PTPRJ: variants seen among roughly 807,000 people sequenced by gnomAD.
PTPRJ encodes protein tyrosine phosphatase receptor type J.
A neutral mutation model predicts 141.3 loss-of-function variants in PTPRJ; 129 were observed. The observed-to-expected ratio is 0.91, with a 90% CI of 0.79 to 1.06. The LOEUF is 1.06. Ranked by LOEUF, PTPRJ falls within the 50% of genes least tolerant of loss-of-function variation. The pLI is 0.00. For missense variants in PTPRJ, 1,601 were observed against 1,679.7 expected (o/e 0.95, Z 0.82); for synonymous variants, 610 against 640.5 (o/e 0.95, Z 0.72).
At chr11:48,081,120 G>A (rs893140288) in intron 1 of PTPRJ, among the ~76,000 whole-genome samples, 3 of 152,220 alleles carry the variant, frequency 2.0e-5, no homozygotes, top group East Asian at 1.9e-4. Context: ...TTTCTGATGC[G>A]GGTGGTCTGC....
intron 1 of PTPRJ, among the ~76,000 whole-genome samples, chr11:48,071,323 T>C (rs1473441629): frequency 6.8e-6 from 1 of 147,380 alleles, no homozygotes; most frequent in Non-Finnish European, 1.5e-5. Flanking sequence ...GACTGAGTAA[T>C]TTTTTTTTTT....
At chr11:48,010,697 A>G (rs542306297) in intron 1 of PTPRJ, among the ~76,000 whole-genome samples, 32 of 149,776 alleles carry the variant, frequency 2.1e-4, no homozygotes, top group African/African-American at 7.6e-4. Flanking sequence ...CACCACGCCC[A>G]GGTAATTTTT....
intron 1 of PTPRJ, among the ~76,000 whole-genome samples, chr11:48,060,588 G>A (rs1001778687): frequency 6.6e-6 from 1 of 152,194 alleles, no homozygotes; most frequent in Non-Finnish European, 1.5e-5. Flanking sequence ...AGGGGCTCCT[G>A]TTAATTTTAG....
intron 1 of PTPRJ, among the ~76,000 whole-genome samples, chr11:48,064,979 G>A (rs1442559063): frequency 6.7e-6 from 1 of 150,316 alleles, no homozygotes; most frequent in Non-Finnish European, 1.5e-5. Flanking sequence ...CACCAGTGGG[G>A]CTGAGACCTG....
At chr11:48,062,182 A>G (rs1170529257) in intron 1 of PTPRJ, among the ~76,000 whole-genome samples, 1 of 151,232 alleles carries the variant, frequency 6.6e-6, no homozygotes, top group African/African-American at 2.4e-5. Context: ...TACAGGCATG[A>G]ACTACCATGC....
intron 4 of PTPRJ, 88 bp from the exon 5 acceptor site, chr11:48,123,525 C>G (rs112223280): frequency 0.097 from 134,144 of 1,387,024 alleles, 7,445 homozygotes; most frequent in South Asian, 0.11. Flanking sequence ...CTTTTAAAAC[C>G]CGCTCCCAGC....
chr11:48,139,619 G>T lies in PTPRJ; in HGVS notation c.2286G>T (p.Ala762=). 1 of 1,614,226 alleles carries T rather than the reference G, an allele frequency of 6.2e-7. No individual in the cohort carries two copies. The highest frequency in any genetic ancestry group is 8.5e-7 in the Non-Finnish European group (1 of 1,180,042). The stretch of plus-strand genomic sequence containing the variant: ...TCAGCAGTGGAGCCTGGAACAATGC[G>T]ACCCACCTGGAGAGCTGCTCCTCTG... ...LEVSSGAWNN[A]THLESCSSEN... Residue 762 remains alanine, a synonymous_variant, in exon 11 of 25, where the codon GCG becomes GCT. Transcript: ENST00000418331.
chr11:48,042,646 G>C (rs1395731742), intron 1 of PTPRJ, among the ~76,000 whole-genome samples: 1 of 152,112 alleles, frequency 6.6e-6, no homozygotes, highest in African/African-American at 2.4e-5. Context: ...CCTGAAGCTA[G>C]AGGGGTGAGT....
chr11:48,126,815 CACACAGAT>C lies in PTPRJ; in HGVS notation c.1094-963_1094-956del, dbSNP rs1358307017. Reference sequence around the variant, plus strand: ...ACACACACACACACACACACACACACACACAGATAAACACACATTTCCACCCACCCCAG... The same window carrying C: ...ACACACACACACACACACACACACACAAACACACATTTCCACCCACCCCAG... On this transcript the variant is annotated intron_variant, in intron 6 of 24. Transcript: ENST00000418331. 3.1e-4 allele frequency among the ~76,000 whole-genome samples: 43 copies of C among 138,208 alleles called. No homozygotes were observed. The South Asian group carries it at 6.5e-3, about 21-fold the overall frequency. 90.7% of individuals were successfully genotyped at this position (138,208 alleles called of 152,430 possible).
At position 48,127,952 on chromosome 11, in the gene PTPRJ, C is replaced by T. The variant is rs145529081; in HGVS notation, c.1266C>T (p.Pro422=). 1.0e-4 allele frequency: 169 copies of T among 1,614,136 alleles called. No individual in the cohort carries two copies. In the African/African-American group the frequency reaches 1.5e-3, roughly 14 times the overall value. The change falls in exon 7 of 25, where the codon CCC becomes CCT. Residue 422 remains proline (P), a synonymous_variant. Transcript: ENST00000418331. ...TCAGTGAGCCTCGCGCTGTCATCCC[C>T]GGACTCCGCTCCAGCACCTTCTACA... ...LNVSEPRAVI[P]GLRSSTFYNI... is the part of the protein sequence containing the mutation.
intron 1 of PTPRJ, among the ~76,000 whole-genome samples, chr11:48,001,820 T>C (rs936941787): frequency 9.9e-5 from 15 of 152,184 alleles, no homozygotes; most frequent in Non-Finnish European, 1.9e-4. Flanking sequence ...TAGGTAGGAC[T>C]TTATGAAATC....
intron 2 of PTPRJ, among the ~76,000 whole-genome samples, chr11:48,111,372 G>A (rs1382727072): frequency 6.9e-6 from 1 of 144,904 alleles, no homozygotes; most frequent in African/African-American, 2.5e-5. Flanking sequence ...AAAAACCATG[G>A]TTTTTGTTTC....
chr11:47,997,397 AG>A lies in PTPRJ; in HGVS notation c.96+16391del, dbSNP rs1388231387. On this transcript the variant is annotated intron_variant, in intron 1 of 24. Coordinates refer to ENST00000418331, the MANE Select transcript of PTPRJ (RefSeq NM_002843.4). ...GCTGACTTCCTCCCCGTGAGACCGT[AG>A]GTCTAAACTAACAAGGTTTACACAT... 4.6e-5 allele frequency among the ~76,000 whole-genome samples: 7 copies of A among 152,368 alleles called. No individual in the cohort carries two copies. In the East Asian group the frequency reaches 7.7e-4, roughly 17 times the overall value.
chr11:48,054,703 TG>T (rs1405699617), intron 1 of PTPRJ, among the ~76,000 whole-genome samples: 1 of 152,126 alleles, frequency 6.6e-6, no homozygotes, highest in African/African-American at 2.4e-5. Context: ...AAGTTGAGCA[TG>T]AGCTGTAAGT....
At chr11:48,016,689 G>A (rs1428047909) in intron 1 of PTPRJ, among the ~76,000 whole-genome samples, 6 of 152,136 alleles carry the variant, frequency 3.9e-5, no homozygotes, top group Non-Finnish European at 8.8e-5. Flanking sequence ...AACTGAATGA[G>A]AAGATGAACA....
chr11:48,167,596 G>T lies in PTPRJ; in HGVS notation c.*234G>T. ...GCATTCCTGATGACCAATGGGATGAGGTCACTTTTTTTTTTTTTCCCCCTT... is the reference window on the plus strand; with the variant it reads ...GCATTCCTGATGACCAATGGGATGATGTCACTTTTTTTTTTTTTCCCCCTT... On this transcript the variant is annotated 3_prime_UTR_variant, in exon 25 of 25. Transcript: ENST00000418331. 2.6e-6 allele frequency: 1 copy of T among 386,974 alleles called. No homozygotes were observed. The highest frequency in any genetic ancestry group is 3.9e-5 in the East Asian group (1 of 25,390). 24.0% of individuals were successfully genotyped at this position (386,974 alleles called of 1,614,324 possible).
chr11:48,071,502 G>A (rs1386925969), intron 1 of PTPRJ, among the ~76,000 whole-genome samples: 1 of 151,626 alleles, frequency 6.6e-6, no homozygotes, highest in Non-Finnish European at 1.5e-5. Context: ...ATTTTTAGTA[G>A]AGACGGGGTT....
In PTPRJ at chr11:48,127,850, C is replaced by A. The variant is rs762925560; in HGVS notation, c.1164C>A (p.Val388=). Residue 388 remains valine, a synonymous_variant, in exon 7 of 25, where the codon GTC becomes GTA. Transcript: ENST00000418331. ...SATSLTLIWK[V]SDNESSSNYT... ...CAAGCCTGACCCTGATCTGGAAAGT[C>A]AGCGATAACGAGTCGTCATCTAACT... The A allele has an allele frequency of 6.2e-7, 1 of 1,614,188 alleles. No homozygotes were observed. Among genetic ancestry groups the A allele is most frequent in the South Asian group, 1.1e-5 (1 of 91,080 alleles).
At chr11:48,115,817 G>A (rs1856551745) in intron 3 of PTPRJ, among the ~76,000 whole-genome samples, 1 of 152,064 alleles carries the variant, frequency 6.6e-6, no homozygotes. Context: ...GAAGTGTAGA[G>A]GTCAATTTGT....
Sources: gnomAD v4.1 joint callset for allele counts (sites outside exome capture counted in the v4.1 genomes callset) on GRCh38, gnomAD v4.1.1 for gene constraint, MANE v1.5 for transcripts, NCBI Gene and HGNC (gene_info 2026-07-23, HGNC 2026-07-21) for gene names.